Variants in APBA2 observed in about 807,000 individuals in gnomAD.
APBA2 encodes the protein amyloid-beta A4 precursor protein-binding family A member 2.
APBA2 carries 30 observed loss-of-function variants against 75.0 expected under a neutral mutation model. The observed-to-expected ratio is 0.40, with a 90% CI of 0.30 to 0.54. APBA2 has a LOEUF of 0.54. Among genes scored for constraint, APBA2 ranks in the 20% least tolerant of loss-of-function variants. The pLI is 0.49. For synonymous variants in APBA2, 444 were observed against 409.6 expected (o/e 1.08, Z -1.01); for missense variants, 801 against 1,016.1 (o/e 0.79, Z 2.88).
At chr15:29,087,232 A>G (rs982364250) in intron 6 of APBA2, among the ~76,000 whole-genome samples, 4 of 152,002 alleles carry the variant, frequency 2.6e-5, no homozygotes, top group Admixed American at 1.3e-4. Flanking sequence ...CCGCCTATGC[A>G]TATGCTTTTT....
intron 6 of APBA2, among the ~76,000 whole-genome samples, chr15:29,089,027 C>G (rs981114661): frequency 6.6e-6 from 1 of 152,198 alleles, no homozygotes; most frequent in Non-Finnish European, 1.5e-5. Flanking sequence ...CAGCCACCCC[C>G]AAATTCCTCA....
intron 2 of APBA2, among the ~76,000 whole-genome samples, chr15:28,946,295 T>A (rs1042223651): frequency 6.6e-6 from 1 of 152,182 alleles, no homozygotes; most frequent in African/African-American, 2.4e-5. Context: ...TTCTGGATTA[T>A]TCAGGTGGGC....
intron 3 of APBA2, among the ~76,000 whole-genome samples, chr15:29,009,804 C>A (rs2039309024): frequency 6.6e-6 from 1 of 152,164 alleles, no homozygotes; most frequent in Non-Finnish European, 1.5e-5. Flanking sequence ...ATAATTCATC[C>A]ATTCTATGTT....
chr15:28,935,956 G>A (rs1204419134), intron 2 of APBA2, among the ~76,000 whole-genome samples: 3 of 151,980 alleles, frequency 2.0e-5, no homozygotes, highest in African/African-American at 7.2e-5. Context: ...GTGAAATGCA[G>A]TGCATGTGTG....
chr15:29,042,264 C>T (rs1303991833), intron 3 of APBA2, among the ~76,000 whole-genome samples: 1 of 151,718 alleles, frequency 6.6e-6, no homozygotes, highest in Non-Finnish European at 1.5e-5. Context: ...TAATCCCCTT[C>T]CTCTCTCTCT....
At position 28,886,099 on chromosome 15, in the gene APBA2, C is replaced by A. The variant is rs1328169486; in HGVS notation, c.-384C>A. The A allele has an allele frequency of 6.7e-6, 1 of 149,438 alleles. No homozygotes were observed. The highest frequency in any genetic ancestry group is 2.4e-5 in the African/African-American group (1 of 41,106). The allele number at this position is 149,438 out of a possible 1,614,324, so 9.3% of individuals were successfully genotyped here. On this transcript the variant is annotated 5_prime_UTR_variant, in exon 1 of 15. Transcript: ENST00000683413. ...GCCCGGCAGAGGCGGCCCTGCGTGC[C>A]GTACGCTGCGTCCGGGGCGCGCCCG... is the stretch of plus-strand genomic sequence containing the variant.
chr15:29,104,910 C>G (rs1196271635), intron 10 of APBA2, among the ~76,000 whole-genome samples: 1 of 152,112 alleles, frequency 6.6e-6, no homozygotes, highest in African/African-American at 2.4e-5. Flanking sequence ...ATGGCAAGAC[C>G]CCTATCTCTA....
intron 3 of APBA2, among the ~76,000 whole-genome samples, chr15:29,052,664 CAT>C (rs1437728794): frequency 2.0e-5 from 3 of 152,080 alleles, no homozygotes; most frequent in Admixed American, 2.0e-4. Context: ...TGACTGTGCA[CAT>C]GTCTTAGTCT....
At chr15:28,911,065 T>C (rs1298895634) in intron 1 of APBA2, among the ~76,000 whole-genome samples, 1 of 152,194 alleles carries the variant, frequency 6.6e-6, no homozygotes, top group Non-Finnish European at 1.5e-5. Flanking sequence ...TAAGAAATAA[T>C]GGATTTTGTT....
chr15:29,084,740 C>G (rs941705917), intron 6 of APBA2, among the ~76,000 whole-genome samples: 3 of 152,116 alleles, frequency 2.0e-5, no homozygotes, highest in Non-Finnish European at 4.4e-5. Context: ...TTAGGTTGTC[C>G]ATCCGTCTCT....
At chr15:28,925,945 T>C (rs921234127) in intron 2 of APBA2, among the ~76,000 whole-genome samples, 1 of 152,198 alleles carries the variant, frequency 6.6e-6, no homozygotes, top group African/African-American at 2.4e-5. Context: ...TTATCCCTGA[T>C]AATTTTCCTT....
At chr15:28,979,216 G>A (rs2152764012) in intron 2 of APBA2, among the ~76,000 whole-genome samples, 1 of 152,136 alleles carries the variant, frequency 6.6e-6, no homozygotes, top group South Asian at 2.1e-4. Flanking sequence ...TCATCTATCT[G>A]TGGCTCTTTC....
At chr15:28,906,436 T>G (rs1233121072) in intron 1 of APBA2, among the ~76,000 whole-genome samples, 1 of 152,214 alleles carries the variant, frequency 6.6e-6, no homozygotes, top group Non-Finnish European at 1.5e-5. Context: ...TTATGGAAAA[T>G]GCTGACATGT....
At chr15:28,890,875 A>G (rs1376020149) in intron 1 of APBA2, among the ~76,000 whole-genome samples, 2 of 152,112 alleles carry the variant, frequency 1.3e-5, no homozygotes, top group African/African-American at 4.8e-5. Flanking sequence ...CTGTCCTGAG[A>G]GTTTTAAGGG....
chr15:29,067,303 T>G (rs1339700124), intron 4 of APBA2, among the ~76,000 whole-genome samples: 2 of 152,104 alleles, frequency 1.3e-5, no homozygotes, highest in African/African-American at 4.8e-5. Context: ...TTGGGCCAAA[T>G]CAAAACTATT....
chr15:29,004,103 C>G (rs2038990883), intron 3 of APBA2, among the ~76,000 whole-genome samples: 1 of 152,178 alleles, frequency 6.6e-6, no homozygotes, highest in South Asian at 2.1e-4. Context: ...TAGCATGCTC[C>G]ACACCTGCTC....
At chr15:29,037,353 C>T (rs1009387062) in intron 3 of APBA2, among the ~76,000 whole-genome samples, 5 of 152,092 alleles carry the variant, frequency 3.3e-5, no homozygotes, top group East Asian at 1.9e-4. Flanking sequence ...GTGTAGCCAC[C>T]GTGTACAGAA....
rs1834183648 is a variant in APBA2 at position 29,099,302 on chromosome 15, CAG to C, written c.1338+727_1338+728del. 3.3e-5 allele frequency among the ~76,000 whole-genome samples: 5 copies of C among 152,322 alleles called. No individual in the cohort carries two copies. In the South Asian group the frequency reaches 1.0e-3, roughly 32 times the overall value. ...GGTGGTTTGGAGGACTGACAGGACT[CAG>C]TGAGCTCACAGCTGAGATTTATTTC... On this transcript the variant is annotated intron_variant, in intron 9 of 14. Transcript: ENST00000683413.
chr15:29,064,524 C>T (rs1263254804), intron 4 of APBA2, among the ~76,000 whole-genome samples: 1 of 152,192 alleles, frequency 6.6e-6, no homozygotes, highest in Non-Finnish European at 1.5e-5. Flanking sequence ...GCTTCCAGGA[C>T]AGGCTCCAGA....
Sources: gnomAD v4.1 joint callset for allele counts (sites outside exome capture counted in the v4.1 genomes callset) on GRCh38, gnomAD v4.1.1 for gene constraint, MANE v1.5 for transcripts, NCBI Gene and HGNC (gene_info 2026-07-23, HGNC 2026-07-21) for gene names.